The following FGD4 variants were observed in gnomAD, a reference collection of about 807,000 sequenced individuals.
The protein encoded by FGD4 is FYVE, RhoGEF and PH domain containing 4.
A neutral mutation model predicts 102.0 loss-of-function variants in FGD4; 42 were observed. The observed-to-expected ratio is 0.41, with a 90% CI of 0.32 to 0.53. The LOEUF is 0.53. Among genes scored for constraint, FGD4 ranks in the 20% least tolerant of loss-of-function variants. FGD4 has a pLI of 0.21. For synonymous variants in FGD4, 380 were observed against 375.7 expected, an observed-to-expected ratio of 1.01 and a Z score of -0.13; for missense variants, 902 against 1,078.2, an observed-to-expected ratio of 0.84 and a Z score of 2.29.
intron 1 of FGD4, among the ~76,000 whole-genome samples, chr12:32,498,220 C>T (rs1450426345): frequency 6.6e-6 from 1 of 152,200 alleles, no homozygotes; most frequent in Non-Finnish European, 1.5e-5. Flanking sequence ...GTGCTGTCTG[C>T]AGAGTATTTA....
At chr12:32,546,993 G>T (rs535639473) in intron 1 of FGD4, among the ~76,000 whole-genome samples, 9 of 152,200 alleles carry the variant, frequency 5.9e-5, no homozygotes, top group Non-Finnish European at 1.3e-4. Context: ...GTATTTTGAA[G>T]CTCCTAGCTG....
chr12:32,633,610 G>T lies in FGD4; in HGVS notation c.2234G>T (p.Ser745Ile). ...AQLEYDGGKL[S>I]KVCKDCYQII... Reference sequence around the variant, plus strand: ...CTTGAATATGATGGTGGTAAATTGAGCAAAGTTTGTAAAGACTGTTATCAA... The same window carrying T: ...CTTGAATATGATGGTGGTAAATTGATCAAAGTTTGTAAAGACTGTTATCAA... Residue 745 changes from serine (S) to isoleucine (I), a missense_variant, in exon 15 of 17, where the codon AGC becomes ATC. Ser to Ile is a moderately radical substitution (Grantham distance 142). This residue lies in a region of FGD4 where 459 missense variants were observed against 619.0 expected (regional missense o/e 0.74). Coordinates refer to ENST00000534526, the MANE Select transcript of FGD4 (RefSeq NM_001370298.3). 1 of 1,613,830 alleles carries T rather than the reference G, an allele frequency of 6.2e-7. No homozygotes were observed. The highest frequency in any genetic ancestry group is 8.5e-7 in the Non-Finnish European group (1 of 1,179,798).
At chr12:32,552,433 CATTTT>C (rs1943746173) in intron 1 of FGD4, among the ~76,000 whole-genome samples, 1 of 84,876 alleles carries the variant, frequency 1.2e-5, no homozygotes, top group South Asian at 3.3e-4. Context: ...CTAATTTTTG[CATTTT>C]TTTTTTTTTT....
At chr12:32,624,510 C>A in intron 12 of FGD4, 58 bp downstream of exon 12, 1 of 1,390,022 alleles carries the variant, frequency 7.2e-7, no homozygotes, top group South Asian at 1.2e-5. Context: ...GAGTCTCACT[C>A]TCACCCAGTC....
At chr12:32,507,991 C>T (rs557686121) in intron 1 of FGD4, among the ~76,000 whole-genome samples, 22 of 152,300 alleles carry the variant, frequency 1.4e-4, no homozygotes, top group African/African-American at 5.1e-4. Flanking sequence ...GTTCACTCTG[C>T]CCTTGCTAGA....
At chr12:32,407,121 ATTTT>A (rs35497027) in intron 1 of FGD4, among the ~76,000 whole-genome samples, 11 of 90,918 alleles carry the variant, frequency 1.2e-4, no homozygotes, top group Admixed American at 1.2e-4. Flanking sequence ...AAGAAGCTGT[ATTTT>A]TTTTTTTTTT....
At chr12:32,449,915 A>T (rs1270821140) in intron 1 of FGD4, among the ~76,000 whole-genome samples, 5 of 142,268 alleles carry the variant, frequency 3.5e-5, no homozygotes, top group African/African-American at 9.9e-5. Context: ...ATTTATTTTT[A>T]TTTATTTTTT....
chr12:32,419,554 T>G (rs1005542456), intron 1 of FGD4, among the ~76,000 whole-genome samples: 1 of 151,388 alleles, frequency 6.6e-6, no homozygotes, highest in Non-Finnish European at 1.5e-5. Flanking sequence ...AAGCACTCCC[T>G]TAGTCACCCT....
intron 1 of FGD4, among the ~76,000 whole-genome samples, chr12:32,488,805 G>C (rs1311200248): frequency 6.6e-6 from 1 of 152,152 alleles, no homozygotes; most frequent in African/African-American, 2.4e-5. Context: ...TGGGCGTGGT[G>C]GCGCATGCCT....
At chr12:32,536,271 C>A (rs1247393290) in intron 1 of FGD4, among the ~76,000 whole-genome samples, 1 of 151,982 alleles carries the variant, frequency 6.6e-6, no homozygotes, top group Non-Finnish European at 1.5e-5. Context: ...GTACATGTAA[C>A]CTAAACTGCA....
intron 1 of FGD4, among the ~76,000 whole-genome samples, chr12:32,438,210 A>G (rs888564847): frequency 2.0e-5 from 3 of 152,050 alleles, no homozygotes; most frequent in Non-Finnish European, 4.4e-5. Flanking sequence ...TTCTTGAACC[A>G]TTTCTTCCCA....
chr12:32,399,748 G>T lies in FGD4; in HGVS notation c.-46G>T. The T allele has an allele frequency of 1.3e-6, 2 of 1,521,706 alleles. No individual in the cohort carries two copies. The highest frequency in any genetic ancestry group is 1.2e-5 in the South Asian group (1 of 83,090). The allele number at this position is 1,521,706 out of a possible 1,614,324, so 94.3% of individuals were successfully genotyped here. The stretch of plus-strand genomic sequence containing the variant: ...CGCCCCCCAGGGGCCGCTCGCGGCT[G>T]GACGGGAGCGGGAGGAGTCGGGGAG... On this transcript the variant is annotated 5_prime_UTR_variant, in exon 1 of 17. Transcript: ENST00000534526.
intron 1 of FGD4, among the ~76,000 whole-genome samples, chr12:32,519,430 T>C (rs1019115279): frequency 6.6e-6 from 1 of 152,208 alleles, no homozygotes; most frequent in Non-Finnish European, 1.5e-5. Context: ...TTTTAAAATC[T>C]TATTTTTTAA....
chr12:32,534,534 T>A, intron 1 of FGD4: 1 of 1,384,174 alleles, frequency 7.2e-7, no homozygotes, highest in African/African-American at 1.5e-5. Context: ...TATATTTTTT[T>A]CTTCCCCAGC....
chr12:32,450,196 G>T (rs749613735), intron 1 of FGD4, among the ~76,000 whole-genome samples: 52 of 152,122 alleles, frequency 3.4e-4, no homozygotes, highest in Non-Finnish European at 6.5e-4. Context: ...CTCCCAAACT[G>T]CTGGGATTAC....
At chr12:32,500,378 CTTATTTTATTTTATTT>C (rs1232144550) in intron 1 of FGD4, among the ~76,000 whole-genome samples, 3 of 148,566 alleles carry the variant, frequency 2.0e-5, no homozygotes, top group East Asian at 2.0e-4. Flanking sequence ...TCTTTCTGAC[CTTATTTTATTTTATTT>C]TTATTTTATT....
intron 1 of FGD4, among the ~76,000 whole-genome samples, chr12:32,493,407 G>C (rs1165734431): frequency 6.6e-6 from 1 of 152,138 alleles, no homozygotes; most frequent in Non-Finnish European, 1.5e-5. Flanking sequence ...CCTGGAGAAG[G>C]TGTGGTAATC....
At chr12:32,499,256 AC>A (rs2136610845) in intron 1 of FGD4, among the ~76,000 whole-genome samples, 1 of 152,224 alleles carries the variant, frequency 6.6e-6, no homozygotes, top group Admixed American at 6.5e-5. Context: ...TATCTTAAGA[AC>A]CTTTATGGGG....
Position 32,594,709 on chromosome 12 carries a change from TA to T in FGD4, c.1012-3785del, listed in dbSNP as rs1253692081. 2.0e-5 allele frequency among the ~76,000 whole-genome samples: 3 copies of T among 151,054 alleles called. No individual in the cohort carries two copies. The South Asian group carries it at 6.3e-4, about 32-fold the overall frequency. ...CAAAAAGGGTAAATTTTACTGTTTATAAATTATGCCTCAACCATTCTGGCTT... is the reference window on the plus strand; with the variant it reads ...CAAAAAGGGTAAATTTTACTGTTTATAATTATGCCTCAACCATTCTGGCTT... On this transcript the variant is annotated intron_variant, in intron 4 of 16. Coordinates refer to ENST00000534526, the MANE Select transcript of FGD4 (RefSeq NM_001370298.3).
Sources: gnomAD v4.1 joint callset for allele counts (sites outside exome capture counted in the v4.1 genomes callset) on GRCh38, gnomAD v4.1.1 for gene constraint, gnomAD v4.1.1 regional missense constraint, MANE v1.5 for transcripts, NCBI Gene and HGNC (gene_info 2026-07-23, HGNC 2026-07-21) for gene names.